SH2B2: variants seen among roughly 807,000 people sequenced by gnomAD.
The protein encoded by SH2B2 is SH2B adaptor protein 2.
In SH2B2, 37 loss-of-function variants were observed where a neutral mutation model predicts 35.7. The observed-to-expected ratio is 1.04, with a 90% CI of 0.80 to 1.36. The LOEUF is 1.36. Ranked by LOEUF, SH2B2 falls within the 40% of genes most tolerant of loss-of-function variation. The probability of loss-of-function intolerance (pLI) is 0.00; values close to 1 mark genes in which losing one functional copy is unlikely to be tolerated. For synonymous variants in SH2B2, 383 were observed against 376.4 expected (o/e 1.02, Z -0.20); for missense variants, 852 against 817.7 (o/e 1.04, Z -0.51).
chr7:102,307,187 T>C (rs908758390), intron 3 of SH2B2, among the ~76,000 whole-genome samples: 10 of 152,174 alleles, frequency 6.6e-5, no homozygotes, highest in Admixed American at 2.6e-4. Flanking sequence ...AATGTTCCTG[T>C]CCCAGGGCAC....
At chr7:102,287,211 G>C (rs1431343811) in intron 1 of SH2B2, 117 bp downstream of exon 1, 2 of 152,078 alleles carry the variant, frequency 1.3e-5, no homozygotes, top group East Asian at 3.9e-4. Flanking sequence ...GGCCGCACGC[G>C]CCTTGGTCCG....
At chr7:102,314,969 A>T (rs918398272) in intron 6 of SH2B2, among the ~76,000 whole-genome samples, 2 of 151,834 alleles carry the variant, frequency 1.3e-5, no homozygotes, top group Non-Finnish European at 2.9e-5. Flanking sequence ...CGGGCGGATC[A>T]CCTGAGGTCA....
intron 1 of SH2B2, among the ~76,000 whole-genome samples, chr7:102,292,575 G>A (rs181158066): frequency 1.2e-3 from 187 of 151,538 alleles, no homozygotes; most frequent in East Asian, 4.3e-3. Flanking sequence ...TCTTGTGCCT[G>A]TAGTCCCAGC....
At position 102,301,050 on chromosome 7, in the gene SH2B2, G is replaced by A; in HGVS notation, c.500G>A (p.Arg167His). ...GAGCCCGACGCGGCAGCTGCCCCGC[G>A]CACCGCCGAGCCCCGCGACAAGTGG... ...SPEPDAAAAP[R>H]TAEPRDKWTR... Residue 167 changes from arginine to histidine, a missense_variant, in exon 2 of 9, where the codon CGC becomes CAC. By Grantham distance (29) the Arg-to-His change is conservative. This residue lies in a region of SH2B2 where 294 missense variants were observed against 286.6 expected (regional missense o/e 1.03). Transcript: ENST00000444095. 7.3e-7 allele frequency: 1 copy of A among 1,368,848 alleles called. No homozygotes were observed. The highest frequency in any genetic ancestry group is 9.4e-7 in the Non-Finnish European group (1 of 1,065,374). 84.8% of individuals were successfully genotyped at this position (1,368,848 alleles called of 1,614,324 possible). A position where few individuals can be genotyped will look rare whatever the true frequency, so the allele number is the denominator to read the frequency against.
rs575658140 is a variant in SH2B2, at chr7:102,311,415, C to T, written c.923+2509C>T. Among the ~76,000 whole-genome samples, 14 of 152,168 alleles carry T rather than the reference C, an allele frequency of 9.2e-5. No individual in the cohort carries two copies. The South Asian group carries it at 2.9e-3, about 32-fold the overall frequency. ...GATTATAGGCACCTGCCAACAAGCC[C>T]AGCTAATTTTTATATTTTTAGCAGA... is the stretch of plus-strand genomic sequence containing the variant. On this transcript the variant is annotated intron_variant, in intron 4 of 8. Transcript: ENST00000444095.
intron 2 of SH2B2, 131 bp downstream of exon 2, chr7:102,301,410 C>A: frequency 3.5e-6 from 4 of 1,139,870 alleles, no homozygotes; most frequent in Non-Finnish European, 4.8e-6. Flanking sequence ...GTATTTGGTG[C>A]CAGGACCCTG....
At position 102,314,394 on chromosome 7, in the gene SH2B2, G is replaced by A. The variant is rs1404983301; in HGVS notation, c.982G>A (p.Val328Met). 2.0e-5 allele frequency: 8 copies of A among 398,704 alleles called. No homozygotes were observed. The highest frequency in any genetic ancestry group is 7.1e-5 in the East Asian group (2 of 28,092). 24.7% of individuals were successfully genotyped at this position (398,704 alleles called of 1,614,324 possible). Residue 328 changes from valine (V) to methionine (M), a missense_variant, in exon 5 of 9, where the codon GTG becomes ATG. Physicochemically the swap from Val to Met is conservative, Grantham distance 21. Around this residue, in one of 3 missense-constraint regions of SH2B2, gnomAD observed 556 missense variants for 514.5 expected, o/e 1.08. Coordinates refer to ENST00000444095, the MANE Select transcript of SH2B2 (RefSeq NM_001359228.2). ...CTRGGCLASR[V>M]ASCSCELLTD... is the part of the protein sequence containing the mutation. Reference sequence around the variant, plus strand: ...CCGAGGAGGCTGTCTGGCCAGCCGCGTGGCCTCCTGCAGCTGTGAGCTCCT... The same window carrying A: ...CCGAGGAGGCTGTCTGGCCAGCCGCATGGCCTCCTGCAGCTGTGAGCTCCT...
intron 1 of SH2B2, among the ~76,000 whole-genome samples, chr7:102,299,532 G>T (rs1793065550): frequency 6.6e-6 from 1 of 152,072 alleles, no homozygotes; most frequent in Admixed American, 6.6e-5. Context: ...CTCCTGGGAG[G>T]AGAACAGACT....
Position 102,317,198 on chromosome 7 carries a change from G to A in SH2B2, c.1198G>A (p.Ala400Thr). Residue 400 changes from alanine to threonine, a missense_variant, in exon 7 of 9, where the codon GCA becomes ACA. Around this residue, in one of 3 missense-constraint regions of SH2B2, gnomAD observed 556 missense variants for 514.5 expected, o/e 1.08. Coordinates refer to ENST00000444095, the MANE Select transcript of SH2B2 (RefSeq NM_001359228.2). ...SDSNNTGEQGAETDPEAEPEL... is the reference protein window; with the variant it reads ...SDSNNTGEQGTETDPEAEPEL... ...CATCCCCACCTCAGGGGAACAGGGT[G>A]CAGAGACGGATCCCGAGGCTGAACC... 4 of 1,602,404 alleles carry A rather than the reference G, an allele frequency of 2.5e-6. No homozygotes were observed. The highest frequency in any genetic ancestry group is 3.4e-6 in the Non-Finnish European group (4 of 1,174,514).
At chr7:102,311,635 A>G (rs1793625165) in intron 4 of SH2B2, among the ~76,000 whole-genome samples, 1 of 148,410 alleles carries the variant, frequency 6.7e-6, no homozygotes, top group Non-Finnish European at 1.5e-5. Flanking sequence ...TCCTGGGTTC[A>G]AGAGACCCGC....
At chr7:102,306,375 C>T (rs896350607) in intron 2 of SH2B2, among the ~76,000 whole-genome samples, 1 of 152,090 alleles carries the variant, frequency 6.6e-6, no homozygotes, top group Non-Finnish European at 1.5e-5. Context: ...AGGCGTGAGC[C>T]ACCGCACCCA....
chr7:102,316,441 G>A (rs1406580096), intron 6 of SH2B2, among the ~76,000 whole-genome samples: 4 of 152,022 alleles, frequency 2.6e-5, no homozygotes, highest in East Asian at 1.9e-4. Flanking sequence ...ACAAAAATTA[G>A]CCTGGTATAG....
intron 2 of SH2B2, among the ~76,000 whole-genome samples, chr7:102,302,528 C>T (rs1554554132): frequency 6.6e-6 from 1 of 152,218 alleles, no homozygotes; most frequent in Non-Finnish European, 1.5e-5. Flanking sequence ...AGGTGGCCCC[C>T]CTGCTTTGGA....
At chr7:102,285,353 C>G (rs1792401988), upstream of SH2B2, 3 of 881,628 alleles carry the variant, frequency 3.4e-6, no homozygotes, top group Non-Finnish European at 5.5e-6. Flanking sequence ...CACTCTCGGG[C>G]ACCCCCTCCT....
At chr7:102,302,608 T>C (rs1793235144) in intron 2 of SH2B2, among the ~76,000 whole-genome samples, 1 of 152,214 alleles carries the variant, frequency 6.6e-6, no homozygotes, top group South Asian at 2.1e-4. Context: ...CCCAGCCTGG[T>C]GGGCATCTGC....
At chr7:102,288,896 A>G (rs968952) in intron 1 of SH2B2, among the ~76,000 whole-genome samples, 5 of 151,946 alleles carry the variant, frequency 3.3e-5, no homozygotes, top group Non-Finnish European at 5.9e-5. Context: ...CTGCCTACCC[A>G]GCCTGGGTTG....
chr7:102,311,216 A>G (rs1369700911), intron 4 of SH2B2, among the ~76,000 whole-genome samples: 2 of 151,524 alleles, frequency 1.3e-5, no homozygotes, highest in South Asian at 2.1e-4. Flanking sequence ...CAGCCTCCCA[A>G]GTAACTGGGA....
intron 6 of SH2B2, among the ~76,000 whole-genome samples, chr7:102,315,293 G>A (rs1340741401): frequency 6.6e-6 from 1 of 152,158 alleles, no homozygotes; most frequent in Non-Finnish European, 1.5e-5. Context: ...CTTGAAGCCA[G>A]GAGTTTGAGA....
At chr7:102,300,349 C>A (rs1490360868) in intron 1 of SH2B2, among the ~76,000 whole-genome samples, 173 bp from the exon 2 acceptor site, 2 of 152,154 alleles carry the variant, frequency 1.3e-5, no homozygotes, top group Non-Finnish European at 2.9e-5. Flanking sequence ...TTTCTCTTTA[C>A]ACACATCCAT....
Sources: allele counts gnomAD v4.1 joint callset (sites outside exome capture counted in the v4.1 genomes callset), GRCh38; gene constraint gnomAD v4.1.1; regional missense constraint gnomAD v4.1.1; transcripts MANE v1.5; gene names NCBI Gene and HGNC (gene_info 2026-07-23, HGNC 2026-07-21).